Variants in MDH1B observed in about 807,000 individuals in gnomAD.
The protein encoded by MDH1B is putative malate dehydrogenase 1B.
Under a neutral mutation model 61.4 loss-of-function variants are expected in MDH1B, and 60 were observed. The ratio of observed to expected loss-of-function variants is 0.98; its 90% CI spans 0.79 to 1.21. MDH1B has a LOEUF of 1.21. Among genes scored for constraint, MDH1B ranks in the 50% most tolerant of loss-of-function variants. MDH1B has a pLI of 0.00. For synonymous variants in MDH1B, 236 were observed against 218.7 expected, an observed-to-expected ratio of 1.08 and a Z score of -0.70; for missense variants, 587 against 632.1, an observed-to-expected ratio of 0.93 and a Z score of 0.76.
rs59358632 is a variant in MDH1B at position 206,755,055 on chromosome 2, A to G, written c.864T>C (p.Gly288=). The change falls in exon 5 of 12, where the codon GGT becomes GGC. Residue 288 remains glycine, a synonymous_variant. Transcript: ENST00000374412. Reference sequence around the variant, plus strand: ...TTCTGGCCAGTATGGCTTTCGCTTCACCTTCCACCCCCAGCGCCACAGCAA... The same window carrying G: ...TTCTGGCCAGTATGGCTTTCGCTTCGCCTTCCACCCCCAGCGCCACAGCAA... ...NIIAVALGVE[G]EAKAILARKL... 139,005 of 1,613,964 alleles carry G rather than the reference A, an allele frequency of 0.086. 7,288 individuals carry two copies. Among genetic ancestry groups the G allele is most frequent in the African/African-American group, 0.24 (18,097 of 74,986 alleles).
intron 11 of MDH1B, among the ~76,000 whole-genome samples, chr2:206,739,369 G>A (rs1055831661): frequency 3.3e-5 from 5 of 152,086 alleles, no homozygotes; most frequent in African/African-American, 4.8e-5. Flanking sequence ...AGCTGTAACC[G>A]CACCACTGCA....
At chr2:206,762,637 A>T (rs1310034513) in intron 1 of MDH1B, among the ~76,000 whole-genome samples, 1 of 152,204 alleles carries the variant, frequency 6.6e-6, no homozygotes, top group Non-Finnish European at 1.5e-5. Flanking sequence ...TTTGATCAAA[A>T]TATCTTGAAA....
intron 1 of MDH1B, among the ~76,000 whole-genome samples, chr2:206,763,892 A>G (rs1019896674): frequency 8.2e-6 from 1 of 122,586 alleles, no homozygotes; most frequent in Non-Finnish European, 1.6e-5. Flanking sequence ...TACCTGATTA[A>G]GTAAGGTCCC....
intron 1 of MDH1B, among the ~76,000 whole-genome samples, chr2:206,763,330 T>G (rs1689214615): frequency 2.6e-5 from 4 of 151,858 alleles, no homozygotes; most frequent in African/African-American, 9.7e-5. Flanking sequence ...CTCCCTTATC[T>G]GCCCTCCTCC....
intron 3 of MDH1B, 69 bp downstream of exon 3, chr2:206,757,168 A>G: frequency 6.5e-7 from 1 of 1,537,444 alleles, no homozygotes; most frequent in Non-Finnish European, 8.8e-7. Context: ...CTCAGAAAGC[A>G]AGATATTTGA....
intron 2 of MDH1B, among the ~76,000 whole-genome samples, chr2:206,760,179 C>T (rs2105953630): frequency 6.6e-6 from 1 of 152,308 alleles, no homozygotes; most frequent in Admixed American, 6.5e-5. Context: ...GAGGCACTCA[C>T]TCTCCCAGGC....
intron 7 of MDH1B, 55 bp downstream of exon 7, chr2:206,748,965 C>T (rs553037460): frequency 2.3e-5 from 35 of 1,511,810 alleles, no homozygotes; most frequent in East Asian, 1.4e-4. Flanking sequence ...ATTAGGAGCA[C>T]GAGTTATAGA....
intron 9 of MDH1B, among the ~76,000 whole-genome samples, chr2:206,744,946 A>G (rs1014164363): frequency 8.0e-6 from 1 of 124,680 alleles, no homozygotes; most frequent in African/African-American, 3.3e-5. Flanking sequence ...AAATAAATAA[A>G]TAAAATATAT....
chr2:206,743,216 C>T (rs1687916205), intron 9 of MDH1B, among the ~76,000 whole-genome samples: 2 of 152,162 alleles, frequency 1.3e-5, no homozygotes, highest in Non-Finnish European at 2.9e-5. Flanking sequence ...CTCCATTGCA[C>T]AAAATTGCTC....
At chr2:206,751,378 G>T (rs999895458) in intron 5 of MDH1B, among the ~76,000 whole-genome samples, 1 of 152,130 alleles carries the variant, frequency 6.6e-6, no homozygotes, top group African/African-American at 2.4e-5. Flanking sequence ...TGTTTGTCCT[G>T]ACTTTGCTTA....
At chr2:206,745,751 G>C in intron 8 of MDH1B, 78 bp from the exon 9 acceptor site, 1 of 550,290 alleles carries the variant, frequency 1.8e-6, no homozygotes. Flanking sequence ...TTTTTTTTTT[G>C]AGACAGAGTT....
intron 4 of MDH1B, among the ~76,000 whole-genome samples, chr2:206,756,028 C>T (rs899806376): frequency 2.6e-5 from 4 of 151,384 alleles, no homozygotes; most frequent in African/African-American, 9.7e-5. Context: ...AGCCACAATT[C>T]TGCAGTTGTC....
At chr2:206,740,919 G>T in intron 10 of MDH1B, 135 bp downstream of exon 10, 1 of 1,222,148 alleles carries the variant, frequency 8.2e-7, no homozygotes, top group South Asian at 1.5e-5. Context: ...CAAAGTGTTT[G>T]TGAAGCATAT....
At chr2:206,750,329 T>C (rs934897112) in intron 6 of MDH1B, among the ~76,000 whole-genome samples, 5 of 148,728 alleles carry the variant, frequency 3.4e-5, no homozygotes, top group South Asian at 2.2e-4. Flanking sequence ...ACCCTTATCA[T>C]GTTACCATTT....
intron 7 of MDH1B, among the ~76,000 whole-genome samples, chr2:206,747,720 G>T (rs1264965936): frequency 6.6e-6 from 1 of 152,208 alleles, no homozygotes; most frequent in Non-Finnish European, 1.5e-5. Context: ...GCTATGTGGG[G>T]ATACGGAGGA....
chr2:206,739,617 G>T lies in MDH1B; in HGVS notation c.1504C>A (p.Pro502Thr). The T allele has an allele frequency of 6.2e-7, 1 of 1,614,012 alleles. No individual in the cohort carries two copies. Among genetic ancestry groups the T allele is most frequent in the Non-Finnish European group, 8.5e-7 (1 of 1,179,928 alleles). ...NQIPQTTFEK[P>T]QSLEFLNEFE... ...CCATTTAGGAACTCAAGACTCTGTGGCTTTTCAAAGGTGGTTTGAGGAATC... is the reference window on the plus strand; with the variant it reads ...CCATTTAGGAACTCAAGACTCTGTGTCTTTTCAAAGGTGGTTTGAGGAATC... The change falls in exon 11 of 12, where the codon CCA becomes ACA. Residue 502 changes from proline (P) to threonine (T), a missense_variant. Physicochemically the swap from Pro to Thr is conservative, Grantham distance 38 (BLOSUM62 -1). Coordinates refer to ENST00000374412, the MANE Select transcript of MDH1B (RefSeq NM_001039845.3).
At chr2:206,749,752 C>G (rs1324161076) in intron 6 of MDH1B, among the ~76,000 whole-genome samples, 1 of 152,128 alleles carries the variant, frequency 6.6e-6, no homozygotes, top group East Asian at 1.9e-4. Flanking sequence ...ATTTTGTGCA[C>G]AAAGCAAAGA....
intron 4 of MDH1B, among the ~76,000 whole-genome samples, chr2:206,756,327 G>A (rs903264959): frequency 2.0e-5 from 3 of 151,994 alleles, no homozygotes; most frequent in Non-Finnish European, 2.9e-5. Context: ...ACACATGCAC[G>A]TAAGAGCAGG....
Position 206,755,096 on chromosome 2 carries a change from T to C in MDH1B, c.823A>G (p.Ile275Val), listed in dbSNP as rs1207387251. 5 of 1,614,250 alleles carry C rather than the reference T, an allele frequency of 3.1e-6. No homozygotes were observed. Among genetic ancestry groups the C allele is most frequent in the East Asian group, 2.2e-5 (1 of 44,888 alleles). ...GCCACAGCAATAATGTTGTGTGCAA[T>C]GCGTGGGGCATATCTCATGAGTAAA... Reference protein sequence around the residue: ...TVLLMRYAPRIAHNIIAVALG... With the variant: ...TVLLMRYAPRVAHNIIAVALG... The change falls in exon 5 of 12, where the codon ATT becomes GTT. Residue 275 changes from isoleucine (I) to valine (V), a missense_variant. Physicochemically the swap from Ile to Val is conservative, Grantham distance 29. Coordinates refer to ENST00000374412, the MANE Select transcript of MDH1B (RefSeq NM_001039845.3).
Sources: gnomAD v4.1 joint callset for allele counts (sites outside exome capture counted in the v4.1 genomes callset) on GRCh38, gnomAD v4.1.1 for gene constraint, MANE v1.5 for transcripts, NCBI Gene and HGNC (gene_info 2026-07-23, HGNC 2026-07-21) for gene names.